ATRNL1: variants seen among roughly 807,000 people sequenced by gnomAD.
ATRNL1 encodes attractin like 1.
A neutral mutation model predicts 182.7 loss-of-function variants in ATRNL1; 95 were observed. The ratio of observed to expected loss-of-function variants is 0.52; its 90% confidence interval spans 0.44 to 0.62. The LOEUF is 0.62. Among genes scored for constraint, ATRNL1 ranks in the 20% least tolerant of loss-of-function variants. The probability of loss-of-function intolerance (pLI) is 0.00; values close to 1 mark genes in which losing one functional copy is unlikely to be tolerated. For synonymous variants in ATRNL1, 576 were observed against 568.3 expected (o/e 1.01, Z -0.19); for missense variants, 1,471 against 1,679.5 (o/e 0.88, Z 2.17).
chr10:115,495,244 A>G (rs1032078352), intron 24 of ATRNL1, among the ~76,000 whole-genome samples: 10 of 152,058 alleles, frequency 6.6e-5, no homozygotes, highest in Admixed American at 4.6e-4. Flanking sequence ...CTAGTGGTCT[A>G]TGAGTCTTAT....
intron 25 of ATRNL1, among the ~76,000 whole-genome samples, chr10:115,522,152 G>T (rs539789672): frequency 6.6e-6 from 1 of 152,278 alleles, no homozygotes; most frequent in African/African-American, 2.4e-5. Context: ...GCCATCTTAA[G>T]TAGGTCACTA....
rs181432962 is a variant in ATRNL1 at position 115,726,217 on chromosome 10, C to T, written c.3796-1031C>T. On this transcript the variant is annotated intron_variant, in intron 26 of 28. Coordinates refer to ENST00000355044, the MANE Select transcript of ATRNL1 (RefSeq NM_207303.4). ...GAATCTTCACTCACAGGACTACATCCATTTACATTCAAAGACTAGTAGTTA... is the reference window on the plus strand; with the variant it reads ...GAATCTTCACTCACAGGACTACATCTATTTACATTCAAAGACTAGTAGTTA... 7.9e-5 allele frequency among the ~76,000 whole-genome samples: 12 copies of T among 152,248 alleles called. No homozygotes were observed. The East Asian group carries it at 1.9e-3, about 24-fold the overall frequency.
At chr10:115,556,711 G>A (rs1853333897) in intron 26 of ATRNL1, among the ~76,000 whole-genome samples, 1 of 151,946 alleles carries the variant, frequency 6.6e-6, no homozygotes, top group East Asian at 1.9e-4. Context: ...ATAAATATTA[G>A]CTGTTATTGA....
intron 21 of ATRNL1, among the ~76,000 whole-genome samples, chr10:115,433,379 G>A (rs891441707): frequency 2.0e-5 from 3 of 152,066 alleles, no homozygotes; most frequent in Admixed American, 6.6e-5. Context: ...TGAACATTTT[G>A]TTAGTGAATG....
intron 1 of ATRNL1, among the ~76,000 whole-genome samples, chr10:115,095,260 G>C (rs1208459165): frequency 6.6e-6 from 1 of 151,908 alleles, no homozygotes; most frequent in African/African-American, 2.4e-5. Context: ...CCAAAATCTA[G>C]GTGAAATTTC....
At chr10:115,306,975 T>G (rs2133991660) in intron 17 of ATRNL1, among the ~76,000 whole-genome samples, 1 of 152,254 alleles carries the variant, frequency 6.6e-6, no homozygotes, top group Admixed American at 6.6e-5. Context: ...ATACCGCTGG[T>G]GGGATTGTCA....
intron 17 of ATRNL1, among the ~76,000 whole-genome samples, chr10:115,305,959 ATGTG>A (rs1435223758): frequency 2.0e-5 from 3 of 152,168 alleles, no homozygotes; most frequent in Non-Finnish European, 2.9e-5. Flanking sequence ...ATGTAATTGT[ATGTG>A]TGTTATATTT....
intron 24 of ATRNL1, among the ~76,000 whole-genome samples, chr10:115,518,065 T>G (rs1554984309): frequency 1.3e-5 from 2 of 151,950 alleles, no homozygotes; most frequent in Non-Finnish European, 2.9e-5. Context: ...AATCATTTTC[T>G]CAACTTACTG....
At chr10:115,510,940 A>C (rs1850355909) in intron 24 of ATRNL1, among the ~76,000 whole-genome samples, 1 of 151,930 alleles carries the variant, frequency 6.6e-6, no homozygotes. Flanking sequence ...TTGTGTATTA[A>C]ACCATGAGGA....
chr10:115,850,962 C>G (rs1951040433), intron 28 of ATRNL1, among the ~76,000 whole-genome samples: 1 of 152,126 alleles, frequency 6.6e-6, no homozygotes, highest in Non-Finnish European at 1.5e-5. Flanking sequence ...CTTCTCTTGG[C>G]TATTGGGCTA....
intron 26 of ATRNL1, among the ~76,000 whole-genome samples, chr10:115,711,029 G>A (rs1947047978): frequency 6.6e-6 from 1 of 152,074 alleles, no homozygotes; most frequent in Non-Finnish European, 1.5e-5. Flanking sequence ...CTGGGTAATA[G>A]CATAGCTATT....
intron 27 of ATRNL1, among the ~76,000 whole-genome samples, chr10:115,819,310 C>T (rs905075051): frequency 1.2e-4 from 19 of 152,010 alleles, no homozygotes; most frequent in Non-Finnish European, 2.6e-4. Context: ...ATACTGTTTC[C>T]CCCCTCCAGT....
chr10:115,474,556 G>A (rs1019689199), intron 24 of ATRNL1, among the ~76,000 whole-genome samples: 56 of 151,038 alleles, frequency 3.7e-4, no homozygotes, highest in African/African-American at 1.3e-3. Flanking sequence ...GGACTGTTGT[G>A]GGTGAAATAG....
intron 5 of ATRNL1, among the ~76,000 whole-genome samples, chr10:115,157,036 C>G (rs968209862): frequency 1.3e-5 from 2 of 151,874 alleles, no homozygotes; most frequent in African/African-American, 4.8e-5. Context: ...TGTTCTAGTA[C>G]AATAACATAG....
At chr10:115,649,280 A>G (rs1555033670) in intron 26 of ATRNL1, among the ~76,000 whole-genome samples, 1 of 152,180 alleles carries the variant, frequency 6.6e-6, no homozygotes, top group Non-Finnish European at 1.5e-5. Context: ...GAAATAAATG[A>G]TTACCTGTTT....
At chr10:115,376,115 G>C (rs1857655378) in intron 19 of ATRNL1, among the ~76,000 whole-genome samples, 1 of 151,824 alleles carries the variant, frequency 6.6e-6, no homozygotes, top group Non-Finnish European at 1.5e-5. Flanking sequence ...AAAAGTCTTG[G>C]TGGTGTTTTT....
intron 28 of ATRNL1, among the ~76,000 whole-genome samples, chr10:115,912,920 G>C (rs745510189): frequency 6.6e-6 from 1 of 152,094 alleles, no homozygotes; most frequent in Non-Finnish European, 1.5e-5. Context: ...CTTACTAACC[G>C]TGTGGCCATG....
chr10:115,593,951 C>A (rs1033147051), intron 26 of ATRNL1, among the ~76,000 whole-genome samples: 3 of 151,774 alleles, frequency 2.0e-5, no homozygotes, highest in Non-Finnish European at 4.4e-5. Context: ...ATTTAAATGA[C>A]CCAAGAGAGA....
At chr10:115,760,567 A>G (rs1948709832) in intron 27 of ATRNL1, among the ~76,000 whole-genome samples, 1 of 152,124 alleles carries the variant, frequency 6.6e-6, no homozygotes, top group Non-Finnish European at 1.5e-5. Context: ...ATAAATATAA[A>G]TGTTGGGTTA....
Sources: allele counts gnomAD v4.1 joint callset (sites outside exome capture counted in the v4.1 genomes callset), GRCh38; gene constraint gnomAD v4.1.1; transcripts MANE v1.5; gene names NCBI Gene and HGNC (gene_info 2026-07-23, HGNC 2026-07-21).